SPECC1: variants seen among roughly 807,000 people sequenced by gnomAD.
SPECC1 encodes cytospin-B.
Under a neutral mutation model 104.1 loss-of-function variants are expected in SPECC1, and 62 were observed. The ratio of observed to expected loss-of-function variants is 0.60; its 90% CI spans 0.49 to 0.74. The LOEUF is 0.74. Ranked by LOEUF, SPECC1 falls within the 30% of genes least tolerant of loss-of-function variation. The pLI is 0.00. For missense variants in SPECC1, 1,306 were observed against 1,310.5 expected, an observed-to-expected ratio of 1.00 and a Z score of 0.05; for synonymous variants, 513 against 501.6, an observed-to-expected ratio of 1.02 and a Z score of -0.30.
At chr17:20,238,867 A>G (rs1567974648) in intron 7 of SPECC1, 2 of 1,044,418 alleles carry the variant, frequency 1.9e-6, no homozygotes, top group South Asian at 9.2e-5. Flanking sequence ...TATGAAGTGC[A>G]AAATAAACAT....
At chr17:20,277,357 T>A (rs958646669) in intron 12 of SPECC1, among the ~76,000 whole-genome samples, 1 of 152,216 alleles carries the variant, frequency 6.6e-6, no homozygotes, top group East Asian at 1.9e-4. Context: ...ACCAATTTGC[T>A]AAGTAGGGCA....
chr17:20,126,118 G>C (rs558147415), intron 3 of SPECC1, among the ~76,000 whole-genome samples: 7 of 152,072 alleles, frequency 4.6e-5, no homozygotes, highest in Non-Finnish European at 7.4e-5. Flanking sequence ...TCCAGGTCCT[G>C]GCTGTCTCTC....
intron 4 of SPECC1, among the ~76,000 whole-genome samples, chr17:20,218,739 C>A (rs1159692420): frequency 2.0e-5 from 3 of 152,122 alleles, no homozygotes; most frequent in Non-Finnish European, 4.4e-5. Context: ...CCCTGTTGTG[C>A]TGTCAAATAA....
intron 3 of SPECC1, among the ~76,000 whole-genome samples, chr17:20,132,514 G>A (rs2049697435): frequency 6.7e-6 from 1 of 149,080 alleles, no homozygotes; most frequent in African/African-American, 2.5e-5. Context: ...TCTCTACTTA[G>A]AAGTTTGTTT....
At chr17:20,237,644 A>G (rs2038995619) in intron 7 of SPECC1, 1 of 196,556 alleles carries the variant, frequency 5.1e-6, no homozygotes, top group Non-Finnish European at 1.1e-5. Flanking sequence ...TTTGGTGTTC[A>G]TTTCTCTGCT....
chr17:20,081,956 C>T (rs1270669887), intron 1 of SPECC1, among the ~76,000 whole-genome samples: 1 of 152,204 alleles, frequency 6.6e-6, no homozygotes, highest in Non-Finnish European at 1.5e-5. Flanking sequence ...CCTGCTGCTG[C>T]TCCCGCTGCC....
intron 10 of SPECC1, among the ~76,000 whole-genome samples, chr17:20,253,825 A>AT (rs567120928): frequency 6.7e-5 from 10 of 148,988 alleles, no homozygotes; most frequent in East Asian, 2.0e-4. Context: ...GACAGGCCCA[A>AT]TTTTTTTTTT....
At chr17:20,144,382 G>A (rs541811657) in intron 3 of SPECC1, among the ~76,000 whole-genome samples, 1 of 151,340 alleles carries the variant, frequency 6.6e-6, no homozygotes, top group Admixed American at 6.6e-5. Flanking sequence ...GTAGAGATGT[G>A]GTCTCCCTGT....
intron 4 of SPECC1, among the ~76,000 whole-genome samples, chr17:20,222,799 T>C (rs1033108385): frequency 3.3e-5 from 5 of 152,230 alleles, no homozygotes; most frequent in African/African-American, 1.2e-4. Flanking sequence ...TTGTCTGCTG[T>C]TGATGAAATT....
intron 3 of SPECC1, chr17:20,111,755 G>A (rs1292517330): frequency 4.6e-6 from 3 of 658,050 alleles, no homozygotes; most frequent in Non-Finnish European, 8.4e-6. Context: ...GGCGGAAGGA[G>A]AAAAAGGTGG....
intron 1 of SPECC1, among the ~76,000 whole-genome samples, chr17:20,035,415 G>A (rs565331684): frequency 6.6e-6 from 1 of 152,084 alleles, no homozygotes; most frequent in African/African-American, 2.4e-5. Context: ...CAACCTATAA[G>A]CATGGTATAT....
chr17:20,205,150 ATTGTCC>A lies in SPECC1; in HGVS notation c.1102_1107del (p.Ser369_Leu370del). The A allele has an allele frequency of 4.3e-6, 7 of 1,614,182 alleles. No individual in the cohort carries two copies. Among genetic ancestry groups the A allele is most frequent in the Non-Finnish European group, 5.9e-6 (7 of 1,180,036 alleles). Reference sequence around the variant, plus strand: ...GGAGTTCCCCAAACAGCGTAAGTGAATTGTCCCTGGCTTCCCTCACAGAGAAGATAC... The same window carrying A: ...GGAGTTCCCCAAACAGCGTAAGTGAACTGGCTTCCCTCACAGAGAAGATAC... On this transcript the variant is annotated inframe_deletion, in exon 4 of 15. Coordinates refer to ENST00000395527, the MANE Select transcript of SPECC1 (RefSeq NM_001243439.2).
chr17:20,131,091 A>G (rs996144457), intron 3 of SPECC1, among the ~76,000 whole-genome samples: 2 of 152,220 alleles, frequency 1.3e-5, no homozygotes, highest in Non-Finnish European at 2.9e-5. Context: ...CAACTTTGCT[A>G]AAGTCGCTTA....
rs570248227 is a variant in SPECC1, at chr17:20,029,259, A to G, written c.-22+19835A>G. 4.9e-4 allele frequency among the ~76,000 whole-genome samples: 74 copies of G among 152,108 alleles called. 1 individual carries two copies. The highest frequency in any genetic ancestry group is 1.7e-3 in the African/African-American group (72 of 41,488). ...AATAAATTTATTTTTGAGTGTTTTT[A>G]TTCTTTTTGATGTTATTGTAAATTG... On this transcript the variant is annotated intron_variant, in intron 1 of 14. Transcript: ENST00000395527.
At chr17:20,221,423 T>TCTAG (rs2037867290) in intron 4 of SPECC1, among the ~76,000 whole-genome samples, 2 of 152,216 alleles carry the variant, frequency 1.3e-5, no homozygotes, top group Non-Finnish European at 2.9e-5. Flanking sequence ...ATCCATTTCT[T>TCTAG]CTAGGTTTTC....
intron 1 of SPECC1, among the ~76,000 whole-genome samples, chr17:20,037,434 A>G (rs1401160789): frequency 6.6e-6 from 1 of 151,504 alleles, no homozygotes; most frequent in Non-Finnish European, 1.5e-5. Flanking sequence ...TACAGGTGTG[A>G]GCCACTGCAC....
chr17:20,192,373 G>A (rs190457736), intron 3 of SPECC1, among the ~76,000 whole-genome samples: 1 of 152,142 alleles, frequency 6.6e-6, no homozygotes. Context: ...CCCAGCCTGT[G>A]GCTTGTGTTC....
chr17:20,047,728 G>A (rs2045592590), intron 1 of SPECC1, among the ~76,000 whole-genome samples: 1 of 151,974 alleles, frequency 6.6e-6, no homozygotes, highest in Non-Finnish European at 1.5e-5. Context: ...CTCCCGAGTA[G>A]TTGGGACTAC....
At position 20,257,540 on chromosome 17, in the gene SPECC1, C is replaced by T; in HGVS notation, c.2770C>T (p.Leu924=). Residue 924 remains leucine (L), a synonymous_variant, in exon 11 of 15, where the codon CTG becomes TTG. Coordinates refer to ENST00000395527, the MANE Select transcript of SPECC1 (RefSeq NM_001243439.2). The part of the protein sequence containing the change: ...SLESLSRPPS[L]GFGDTRLLSA... ...AGAGTCACTGAGCAGACCCCCGTCT[C>T]TGGGCTTTGGGGACACAAGACTGCT... 6.2e-7 allele frequency: 1 copy of T among 1,613,722 alleles called. No homozygotes were observed. The highest frequency in any genetic ancestry group is 8.5e-7 in the Non-Finnish European group (1 of 1,179,914).
Sources: allele counts gnomAD v4.1 joint callset (sites outside exome capture counted in the v4.1 genomes callset), GRCh38; gene constraint gnomAD v4.1.1; transcripts MANE v1.5; gene names NCBI Gene and HGNC (gene_info 2026-07-23, HGNC 2026-07-21).